ATG4A: variants seen among roughly 807,000 people sequenced by gnomAD.
The protein encoded by ATG4A is cysteine protease ATG4A.
ATG4A carries 22 observed loss-of-function variants against 38.4 expected under a neutral mutation model. The ratio of observed to expected loss-of-function variants is 0.57; its 90% CI spans 0.41 to 0.82. The LOEUF is 0.82. Ranked by LOEUF, ATG4A falls within the 40% of genes least tolerant of loss-of-function variation. The probability of loss-of-function intolerance (pLI) is 0.00; values close to 1 mark genes in which losing one functional copy is unlikely to be tolerated. For missense variants in ATG4A, 220 were observed against 290.0 expected (o/e 0.76, Z 1.75); for synonymous variants, 86 against 100.7 (o/e 0.85, Z 0.88).
In ATG4A at chrX:108,137,825, C is replaced by T. The variant is rs2033145454; in HGVS notation, c.569C>T (p.Pro190Leu). ...CTAGAAAAAATGTGCCGTGTCCTTCCCTTGAGTGCTGACACAGCTGGTGAC... is the reference window on the plus strand; with the variant it reads ...CTAGAAAAAATGTGCCGTGTCCTTCTCTTGAGTGCTGACACAGCTGGTGAC... ...EDIKKMCRVL[P>L]LSADTAGDRP... Residue 190 changes from proline (P) to leucine (L), a missense_variant, in exon 8 of 13, where the codon CCC becomes CTC. Pro to Leu is a moderately conservative substitution (Grantham distance 98). This residue lies in a region of ATG4A where 159 missense variants were observed against 188.9 expected (regional missense o/e 0.84). Coordinates refer to ENST00000372232, the MANE Select transcript of ATG4A (RefSeq NM_052936.5). 8.6e-7 allele frequency: 1 copy of T among 1,167,526 alleles called. No homozygotes were observed. Among genetic ancestry groups the T allele is most frequent in the Non-Finnish European group, 1.1e-6 (1 of 877,655 alleles).
intron 9 of ATG4A, among the ~76,000 whole-genome samples, chrX:108,148,014 A>G (rs1360090714): frequency 1.1e-5 from 1 of 91,140 alleles, no homozygotes; most frequent in Non-Finnish European, 2.2e-5. Context: ...GACAGAACTA[A>G]TGGAAAATAT....
chrX:108,124,597 A>G (rs1049508491), intron 1 of ATG4A, among the ~76,000 whole-genome samples: 3 of 110,522 alleles, frequency 2.7e-5, no homozygotes, highest in African/African-American at 6.6e-5. Flanking sequence ...GACTACAGGC[A>G]TGCACCACCA....
intron 1 of ATG4A, among the ~76,000 whole-genome samples, chrX:108,111,458 C>A (rs945474211): frequency 8.9e-6 from 1 of 111,914 alleles, no homozygotes; most frequent in Non-Finnish European, 1.9e-5. Flanking sequence ...TTTCTTTATT[C>A]ATTATTATGA....
chrX:108,148,232 G>C (rs2033485125), intron 9 of ATG4A, among the ~76,000 whole-genome samples: 1 of 106,567 alleles, frequency 9.4e-6, no homozygotes, highest in African/African-American at 3.4e-5. Flanking sequence ...AAAGACGTAG[G>C]CTGGGAGGCT....
At chrX:108,127,466 G>A (rs1458424294) in intron 2 of ATG4A, among the ~76,000 whole-genome samples, 1 of 111,748 alleles carries the variant, frequency 8.9e-6, no homozygotes, top group Non-Finnish European at 1.9e-5. Flanking sequence ...CAATGAAGTA[G>A]GTACTATAAT....
chrX:108,109,576 A>C (rs1336931809), intron 1 of ATG4A, among the ~76,000 whole-genome samples: 1 of 112,051 alleles, frequency 8.9e-6, no homozygotes, highest in Admixed American at 9.4e-5. Flanking sequence ...AGCTTTTCTC[A>C]TATGTGTTCT....
intron 1 of ATG4A, among the ~76,000 whole-genome samples, chrX:108,118,154 T>C (rs926105636): frequency 3.6e-5 from 4 of 112,280 alleles, no homozygotes; most frequent in African/African-American, 1.3e-4. Context: ...TCAGACTGTC[T>C]GCTCTTATTG....
At chrX:108,150,124 A>G (rs2033546863) in intron 9 of ATG4A, 28 bp from the exon 10 acceptor site, 8 of 1,206,375 alleles carry the variant, frequency 6.6e-6, no homozygotes, top group Non-Finnish European at 9.0e-6. Flanking sequence ...TAATCCTTTG[A>G]AGGTTAAGCA....
intron 11 of ATG4A, 136 bp from the exon 12 acceptor site, chrX:108,152,843 A>G: frequency 2.2e-6 from 1 of 461,362 alleles, no homozygotes; most frequent in Non-Finnish European, 3.9e-6. Flanking sequence ...GTTCAAGTAG[A>G]GGATGCATGT....
chrX:108,137,114 G>A lies in ATG4A; in HGVS notation c.491G>A (p.Trp164Ter). The A allele has an allele frequency of 8.3e-7, 1 of 1,207,605 alleles. No homozygotes were observed. The highest frequency in any genetic ancestry group is 1.1e-6 in the Non-Finnish European group (1 of 892,819). Residue 164 changes from tryptophan to a stop codon, truncating the protein, a stop_gained, in exon 7 of 13, where the codon TGG (tryptophan) becomes TAG (stop). Coordinates refer to ENST00000372232, the MANE Select transcript of ATG4A (RefSeq NM_052936.5). LOFTEE classifies it high-confidence loss of function. The part of the protein sequence containing the change: ...VLKKLALFDE[W>*]NSLAVYVSMD... ...AGAAAACTTGCTTTATTTGACGAATGGAATTCCTTGGCTGTTTATGTTTCA... is the reference window on the plus strand; with the variant it reads ...AGAAAACTTGCTTTATTTGACGAATAGAATTCCTTGGCTGTTTATGTTTCA...
rs188362999 is a variant in ATG4A at position 108,133,700 on chromosome X, C to T, written c.293-357C>T. ...ATGCTATGGCATCTGGCTTATATACCGATGTACTGCCGGGCTTTGTGGTGA... is the reference window on the plus strand; with the variant it reads ...ATGCTATGGCATCTGGCTTATATACTGATGTACTGCCGGGCTTTGTGGTGA... On this transcript the variant is annotated intron_variant, in intron 4 of 12. Coordinates refer to ENST00000372232, the MANE Select transcript of ATG4A (RefSeq NM_052936.5). Among the ~76,000 whole-genome samples, 314 of 112,114 alleles carry T rather than the reference C, an allele frequency of 2.8e-3. 1 individual carries two copies. Among genetic ancestry groups the T allele is most frequent in the Non-Finnish European group, 5.1e-3 (270 of 53,239 alleles).
rs181093233 is a variant in ATG4A, at chrX:108,112,560, T to A, written c.11-13517T>A. Among the ~76,000 whole-genome samples the A allele has an allele frequency of 7.4e-3, 804 of 109,174 alleles. 4 individuals are homozygous for A. Among genetic ancestry groups the A allele is most frequent in the African/African-American group, 0.025 (742 of 29,931 alleles). The allele number at this position is 109,174 out of a possible 115,157, so 94.8% of individuals were successfully genotyped here. A position where few individuals can be genotyped will look rare whatever the true frequency, so the allele number is the denominator to read the frequency against. ...GCGCCCGGCACTACGCCCGGCTAAT[T>A]TTTTTTTGTATTTTTTAGTAGAGAC... On this transcript the variant is annotated intron_variant, in intron 1 of 12. Transcript: ENST00000372232.
At chrX:108,147,273 GC>G (rs1323853880) in intron 9 of ATG4A, among the ~76,000 whole-genome samples, 1 of 111,609 alleles carries the variant, frequency 9.0e-6, no homozygotes, top group African/African-American at 3.3e-5. Context: ...GACAGCATGG[GC>G]CGGGGAGGGG....
chrX:108,128,789 A>T lies in ATG4A; in HGVS notation c.130A>T (p.Lys44Ter), dbSNP rs2032871248. 1 of 1,168,252 alleles carries T rather than the reference A, an allele frequency of 8.6e-7. No homozygotes were observed. The highest frequency in any genetic ancestry group is 1.1e-6 in the Non-Finnish European group (1 of 872,887). ...KQHLLKTEKS[K>*]LLSDISARLW... ...TTTACATTTAATTACAGAAAAATCT[A>T]AGCTGTTGTCTGATATAAGTGCTCG... Residue 44 changes from lysine (K) to a stop codon, truncating the protein, a stop_gained, in exon 3 of 13, where the codon AAG becomes TAG. Transcript: ENST00000372232. LOFTEE classifies it high-confidence loss of function.
At chrX:108,123,097 C>T (rs938592346) in intron 1 of ATG4A, among the ~76,000 whole-genome samples, 14 of 111,824 alleles carry the variant, frequency 1.3e-4, no homozygotes, top group African/African-American at 4.2e-4. Flanking sequence ...TTAAGGAAAT[C>T]TTTGTCTAAT....
At chrX:108,105,014 A>T (rs2032131196) in intron 1 of ATG4A, among the ~76,000 whole-genome samples, 1 of 101,084 alleles carries the variant, frequency 9.9e-6, no homozygotes, top group Non-Finnish European at 2.0e-5. Context: ...CTTTATTGAT[A>T]TTTGTCATTT....
At chrX:108,149,436 T>C (rs2033525173) in intron 9 of ATG4A, among the ~76,000 whole-genome samples, 1 of 113,027 alleles carries the variant, frequency 8.8e-6, no homozygotes, top group South Asian at 3.6e-4. Flanking sequence ...GGCTAGACTT[T>C]TTCAATTTAA....
intron 9 of ATG4A, 75 bp downstream of exon 9, chrX:108,138,266 C>T (rs1459067819): frequency 2.2e-6 from 2 of 913,009 alleles, no homozygotes; most frequent in East Asian, 6.2e-5. Context: ...CATGGGAGAC[C>T]AGGCAATTCC....
At chrX:108,122,831 A>G (rs1001352182) in intron 1 of ATG4A, among the ~76,000 whole-genome samples, 1 of 112,243 alleles carries the variant, frequency 8.9e-6, no homozygotes, top group African/African-American at 3.2e-5. Flanking sequence ...CTGGGGAATG[A>G]GATTCCTTGG....
Sources: allele counts gnomAD v4.1 joint callset (sites outside exome capture counted in the v4.1 genomes callset), GRCh38; gene constraint gnomAD v4.1.1; regional missense constraint gnomAD v4.1.1; transcripts MANE v1.5; gene names NCBI Gene and HGNC (gene_info 2026-07-23, HGNC 2026-07-21).